The following ATRNL1 variants were observed in gnomAD, a reference collection of about 807,000 sequenced individuals.
ATRNL1 encodes the protein attractin-like protein 1.
Under a neutral mutation model 182.7 loss-of-function variants are expected in ATRNL1, and 95 were observed. That is an observed-to-expected ratio of 0.52 (90% confidence interval 0.44 to 0.62). ATRNL1 has a LOEUF of 0.62. Among genes scored for constraint, ATRNL1 ranks in the 20% least tolerant of loss-of-function variants. The pLI, the probability that ATRNL1 is intolerant of heterozygous loss-of-function variation, is 0.00. For missense variants in ATRNL1, 1,471 were observed against 1,679.5 expected (o/e 0.88, Z 2.17); for synonymous variants, 576 against 568.3 (o/e 1.01, Z -0.19).
chr10:115,409,621 A>G (rs569287670), intron 20 of ATRNL1, among the ~76,000 whole-genome samples: 6 of 152,266 alleles, frequency 3.9e-5, no homozygotes, highest in Non-Finnish European at 7.4e-5. Flanking sequence ...AAGCATGGTG[A>G]GAGTGGTAAT....
intron 21 of ATRNL1, among the ~76,000 whole-genome samples, chr10:115,451,332 T>C (rs1847270419): frequency 6.6e-6 from 1 of 152,114 alleles, no homozygotes. Flanking sequence ...TCAACTATCC[T>C]GTAGAATGGG....
rs566019544 is a variant in ATRNL1, at chr10:115,184,883, G to A, written c.1348+13591G>A. 3.9e-5 allele frequency among the ~76,000 whole-genome samples: 6 copies of A among 152,032 alleles called. No homozygotes were observed. In the East Asian group the frequency reaches 1.2e-3, roughly 29 times the overall value. On this transcript the variant is annotated intron_variant, in intron 8 of 28. Coordinates refer to ENST00000355044, the MANE Select transcript of ATRNL1 (RefSeq NM_207303.4). Reference sequence around the variant, plus strand: ...AGTATTTGACTATGTGCTCTCAGTCGAGGTTTAGATGCGAAGAAGGACTGC... The same window carrying A: ...AGTATTTGACTATGTGCTCTCAGTCAAGGTTTAGATGCGAAGAAGGACTGC...
At chr10:115,628,743 T>C (rs1858281927) in intron 26 of ATRNL1, among the ~76,000 whole-genome samples, 1 of 152,174 alleles carries the variant, frequency 6.6e-6, no homozygotes, top group Non-Finnish European at 1.5e-5. Context: ...TTTGAGGTAA[T>C]TTTTCTATGT....
At chr10:115,134,389 T>G (rs1845405976) in intron 5 of ATRNL1, among the ~76,000 whole-genome samples, 1 of 151,772 alleles carries the variant, frequency 6.6e-6, no homozygotes, top group South Asian at 2.1e-4. Flanking sequence ...CAAACAACCA[T>G]CAGAGAATAC....
chr10:115,804,472 G>A (rs1949872481), intron 27 of ATRNL1, among the ~76,000 whole-genome samples: 13 of 152,126 alleles, frequency 8.5e-5, no homozygotes, highest in Admixed American at 8.5e-4. Context: ...CCTGCTCTTT[G>A]CTCTTTGCCA....
intron 18 of ATRNL1, among the ~76,000 whole-genome samples, chr10:115,316,561 C>T (rs1424151242): frequency 6.6e-6 from 1 of 152,002 alleles, no homozygotes; most frequent in East Asian, 1.9e-4. Context: ...TCTCCACAGC[C>T]TCGCTAACAT....
At chr10:115,889,439 A>G (rs1214954904) in intron 28 of ATRNL1, among the ~76,000 whole-genome samples, 1 of 151,784 alleles carries the variant, frequency 6.6e-6, no homozygotes, top group Non-Finnish European at 1.5e-5. Context: ...AGCAATTCTC[A>G]TGCCTCAGCC....
chr10:115,511,123 A>G (rs1483223456), intron 24 of ATRNL1, among the ~76,000 whole-genome samples: 1 of 149,546 alleles, frequency 6.7e-6, no homozygotes, highest in East Asian at 1.9e-4. Context: ...AATATGTTTT[A>G]TTTTGTCTTT....
chr10:115,331,635 C>T (rs1414071368), intron 18 of ATRNL1, among the ~76,000 whole-genome samples: 1 of 151,996 alleles, frequency 6.6e-6, no homozygotes. Context: ...ATCTTCTTTA[C>T]ATGTGTCTCT....
intron 9 of ATRNL1, among the ~76,000 whole-genome samples, chr10:115,225,475 T>TTAATATAATA (rs140867376): frequency 0.34 from 48,781 of 143,226 alleles, 8,477 homozygotes; most frequent in Middle Eastern, 0.38. Context: ...ATAAGGCAGA[T>TTAATATAATA]TAATATAATA....
Position 115,890,864 on chromosome 10 carries a change from T to G in ATRNL1, c.4018+42873T>G, listed in dbSNP as rs147584067. On this transcript the variant is annotated intron_variant, in intron 28 of 28. Coordinates refer to ENST00000355044, the MANE Select transcript of ATRNL1 (RefSeq NM_207303.4). ...AATTAGTGTTGAGGGAGGTTTCTGA[T>G]GAGAAGAATATTCAGTTTGGATATT... Among the ~76,000 whole-genome samples, 513 of 152,302 alleles carry G rather than the reference T, an allele frequency of 3.4e-3. 3 individuals are homozygous for G. In the Middle Eastern group the frequency reaches 0.051, roughly 15 times the overall value.
At chr10:115,801,016 T>A (rs1949779952) in intron 27 of ATRNL1, among the ~76,000 whole-genome samples, 1 of 152,210 alleles carries the variant, frequency 6.6e-6, no homozygotes. Context: ...CAGGTTCACA[T>A]CCCCATCTTC....
chr10:115,825,228 CAA>C (rs1950401273), intron 27 of ATRNL1, among the ~76,000 whole-genome samples: 4 of 151,872 alleles, frequency 2.6e-5, no homozygotes, highest in Non-Finnish European at 4.4e-5. Flanking sequence ...GGGAGTTGAA[CAA>C]TGAGAACACA....
At chr10:115,518,372 A>T (rs549148932) in intron 24 of ATRNL1, among the ~76,000 whole-genome samples, 40 of 152,074 alleles carry the variant, frequency 2.6e-4, no homozygotes, top group African/African-American at 8.9e-4. Context: ...TTATTAAAAG[A>T]AAAAGAGATT....
chr10:115,274,488 A>T (rs1852016834), intron 13 of ATRNL1, among the ~76,000 whole-genome samples: 1 of 152,198 alleles, frequency 6.6e-6, no homozygotes, highest in African/African-American at 2.4e-5. Context: ...TCAGTGAGTT[A>T]GAAGGCCCCT....
chr10:115,734,188 T>G (rs1469878505), intron 27 of ATRNL1, among the ~76,000 whole-genome samples: 1 of 113,828 alleles, frequency 8.8e-6, no homozygotes, highest in Non-Finnish European at 2.1e-5. Context: ...TCTTACTTTA[T>G]GAAAAAAAAC....
At chr10:115,752,915 A>G (rs2134124807) in intron 27 of ATRNL1, among the ~76,000 whole-genome samples, 1 of 152,178 alleles carries the variant, frequency 6.6e-6, no homozygotes, top group South Asian at 2.1e-4. Context: ...TTGGAAATGA[A>G]GCTGTGCTGT....
In ATRNL1 at chr10:115,908,765, A is replaced by T. The variant is rs188186350; in HGVS notation, c.4019-35893A>T. ...CTCAGAGGTATATTCGGTTCATCTCACTCTGCTCCTGCTACTGGTTCCCTA... is the reference window on the plus strand; with the variant it reads ...CTCAGAGGTATATTCGGTTCATCTCTCTCTGCTCCTGCTACTGGTTCCCTA... On this transcript the variant is annotated intron_variant, in intron 28 of 28. Transcript: ENST00000355044. 1.3e-3 allele frequency among the ~76,000 whole-genome samples: 203 copies of T among 152,072 alleles called. 1 individual carries two copies. Among genetic ancestry groups the T allele is most frequent in the Non-Finnish European group, 1.9e-3 (129 of 67,976 alleles).
At chr10:115,737,868 C>T (rs1176662035) in intron 27 of ATRNL1, among the ~76,000 whole-genome samples, 3 of 151,970 alleles carry the variant, frequency 2.0e-5, no homozygotes, top group Admixed American at 1.3e-4. Context: ...CTCTCTAGAC[C>T]AAGCCTCTGT....
Sources: gnomAD v4.1 joint callset for allele counts (sites outside exome capture counted in the v4.1 genomes callset) on GRCh38, gnomAD v4.1.1 for gene constraint, MANE v1.5 for transcripts, NCBI Gene and HGNC (gene_info 2026-07-23, HGNC 2026-07-21) for gene names.